Variants in DNAH6 observed in about 807,000 individuals in gnomAD.
The protein encoded by DNAH6 is axonemal beta dynein heavy chain 6.
Under a neutral mutation model 491.4 loss-of-function variants are expected in DNAH6, and 340 were observed. That is an observed-to-expected ratio of 0.69 (90% CI 0.63 to 0.76). The LOEUF (loss-of-function observed/expected upper bound fraction) is 0.76, where lower values mean the gene tolerates loss of function less well. Among genes scored for constraint, DNAH6 ranks in the 30% least tolerant of loss-of-function variants. The pLI is 0.00. For synonymous variants in DNAH6, 1,603 were observed against 1,686.1 expected (o/e 0.95, Z 1.21); for missense variants, 4,443 against 4,972.2 (o/e 0.89, Z 3.20).
chr2:84,661,605 T>C (rs1441994277), intron 37 of DNAH6, among the ~76,000 whole-genome samples: 3 of 152,172 alleles, frequency 2.0e-5, no homozygotes, highest in Admixed American at 2.0e-4. Context: ...GTGAAAGGCC[T>C]CTACTGAAAA....
intron 18 of DNAH6, among the ~76,000 whole-genome samples, chr2:84,601,026 T>C (rs115447496): frequency 0.013 from 1,870 of 144,200 alleles, 31 homozygotes; most frequent in African/African-American, 0.046. Flanking sequence ...ATAATAATAA[T>C]GTTATTATTA....
chr2:84,691,936 G>A (rs1187326890), intron 45 of DNAH6, among the ~76,000 whole-genome samples: 2 of 152,246 alleles, frequency 1.3e-5, no homozygotes, highest in Non-Finnish European at 2.9e-5. Flanking sequence ...TCAAGATGTG[G>A]AAAAAGTGGA....
intron 55 of DNAH6, among the ~76,000 whole-genome samples, chr2:84,710,031 A>G (rs1421428232): frequency 6.6e-6 from 1 of 152,224 alleles, no homozygotes; most frequent in African/African-American, 2.4e-5. Flanking sequence ...AGGGAGACCA[A>G]CATGAATACC....
At position 84,702,514 on chromosome 2, in the gene DNAH6, AT is replaced by A. The variant is rs1301890587; in HGVS notation, c.8062-876del. On this transcript the variant is annotated intron_variant, in intron 49 of 76. Transcript: ENST00000389394. Reference sequence around the variant, plus strand: ...TGCCTTGTGAAATAACTTGACTGATATTTTTGAAATCTGCCCATTTGAACCA... The same window carrying A: ...TGCCTTGTGAAATAACTTGACTGATATTTTGAAATCTGCCCATTTGAACCA... Among the ~76,000 whole-genome samples the A allele has an allele frequency of 8.3e-5, 12 of 144,684 alleles. 1 individual carries two copies. The East Asian group carries it at 1.8e-3, about 22-fold the overall frequency. 94.9% of individuals were successfully genotyped at this position (144,684 alleles called of 152,430 possible).
upstream of DNAH6, among the ~76,000 whole-genome samples, chr2:84,513,592 G>A (rs1472617065): frequency 6.6e-6 from 1 of 151,906 alleles, no homozygotes; most frequent in Admixed American, 6.6e-5. Context: ...AATATATAAT[G>A]TGTTTGCCTT....
chr2:84,761,739 C>G (rs868126069), intron 63 of DNAH6, among the ~76,000 whole-genome samples: 6 of 151,832 alleles, frequency 4.0e-5, no homozygotes, highest in South Asian at 4.2e-4. Context: ...TGGCCCTAGA[C>G]CAGGTTGGGA....
intron 17 of DNAH6, 96 bp from the exon 18 acceptor site, chr2:84,595,550 G>C: frequency 8.9e-7 from 1 of 1,120,344 alleles, no homozygotes; most frequent in African/African-American, 1.6e-5. Context: ...GCATAGTGTA[G>C]ATTTGGATTA....
chr2:84,617,612 T>C (rs1573238293), intron 23 of DNAH6, among the ~76,000 whole-genome samples: 1 of 152,054 alleles, frequency 6.6e-6, no homozygotes, highest in Admixed American at 6.6e-5. Context: ...TTCAATTGTT[T>C]TGATTTTTAG....
chr2:84,765,345 C>T (rs937407222), intron 64 of DNAH6, among the ~76,000 whole-genome samples: 1 of 151,898 alleles, frequency 6.6e-6, no homozygotes, highest in Non-Finnish European at 1.5e-5. Flanking sequence ...CATGAATATG[C>T]GTTGTATTAA....
At chr2:84,695,149 T>C (rs1348180301) in intron 46 of DNAH6, among the ~76,000 whole-genome samples, 1 of 152,080 alleles carries the variant, frequency 6.6e-6, no homozygotes, top group East Asian at 1.9e-4. Context: ...ATAAAAATAC[T>C]TATCACAAAT....
At chr2:84,754,326 G>A (rs886111599) in intron 63 of DNAH6, among the ~76,000 whole-genome samples, 8 of 151,858 alleles carry the variant, frequency 5.3e-5, no homozygotes, top group Admixed American at 2.6e-4. Context: ...ATTACAAGTG[G>A]CCACCACCAC....
intron 63 of DNAH6, among the ~76,000 whole-genome samples, chr2:84,757,742 G>A (rs115650594): frequency 1.1e-3 from 167 of 152,302 alleles, no homozygotes; most frequent in African/African-American, 3.8e-3. Context: ...ATGATTGTGA[G>A]ATACAACCCT....
intron 75 of DNAH6, among the ~76,000 whole-genome samples, chr2:84,815,526 G>A (rs950152809): frequency 9.2e-5 from 14 of 152,220 alleles, no homozygotes; most frequent in African/African-American, 3.4e-4. Flanking sequence ...AGAACAAAAA[G>A]GAATTGTCCA....
chr2:84,773,722 G>T (rs764718875), intron 64 of DNAH6, among the ~76,000 whole-genome samples: 4 of 151,954 alleles, frequency 2.6e-5, no homozygotes, highest in Non-Finnish European at 5.9e-5. Context: ...TAAGTGTTCC[G>T]TTTTCAATGC....
intron 31 of DNAH6, among the ~76,000 whole-genome samples, chr2:84,637,994 C>T (rs749000935): frequency 6.6e-5 from 10 of 152,138 alleles, no homozygotes; most frequent in Non-Finnish European, 1.2e-4. Flanking sequence ...CTTTGGGAGA[C>T]CAAAGTGGGA....
chr2:84,707,817 G>A, intron 54 of DNAH6, 101 bp downstream of exon 54: 1 of 835,288 alleles, frequency 1.2e-6, no homozygotes, highest in Non-Finnish European at 1.9e-6. Context: ...CTCCACTGTA[G>A]AGGTTCTTCA....
chr2:84,590,675 C>T (rs970850438), intron 16 of DNAH6, among the ~76,000 whole-genome samples: 3 of 152,040 alleles, frequency 2.0e-5, no homozygotes, highest in Non-Finnish European at 2.9e-5. Context: ...AATACAAAGG[C>T]AAGTTGACAG....
At chr2:84,752,865 C>G (rs1673604525) in intron 63 of DNAH6, among the ~76,000 whole-genome samples, 1 of 152,054 alleles carries the variant, frequency 6.6e-6, no homozygotes, top group Non-Finnish European at 1.5e-5. Context: ...ATAATGCTGC[C>G]ATAAACATTT....
intron 21 of DNAH6, among the ~76,000 whole-genome samples, chr2:84,609,635 A>G (rs914337914): frequency 3.3e-5 from 5 of 152,026 alleles, no homozygotes; most frequent in East Asian, 1.9e-4. Flanking sequence ...TAATCACAAC[A>G]TCAAAGATCA....
Sources: gnomAD v4.1 joint callset for allele counts (sites outside exome capture counted in the v4.1 genomes callset) on GRCh38, gnomAD v4.1.1 for gene constraint, MANE v1.5 for transcripts, NCBI Gene and HGNC (gene_info 2026-07-23, HGNC 2026-07-21) for gene names.